DIAPH3: variants seen among roughly 807,000 people sequenced by gnomAD.
DIAPH3 encodes diaphanous related formin 3, also known as protein diaphanous homolog 3.
A neutral mutation model predicts 144.3 loss-of-function variants in DIAPH3; 117 were observed. The observed-to-expected ratio is 0.81, with a 90% CI of 0.70 to 0.95. DIAPH3 has a LOEUF of 0.95. DIAPH3 is among the 40% of genes least tolerant of loss of function. The pLI is 0.00. For missense variants in DIAPH3, 1,421 were observed against 1,412.7 expected (o/e 1.01, Z -0.09); for synonymous variants, 519 against 488.9 (o/e 1.06, Z -0.81).
intron 20 of DIAPH3, among the ~76,000 whole-genome samples, chr13:59,882,221 T>C (rs369442268): frequency 6.6e-6 from 1 of 152,138 alleles, no homozygotes; most frequent in African/African-American, 2.4e-5. Flanking sequence ...CTTGAGTGGC[T>C]GGGATTACAG....
At chr13:59,937,162 C>CAAA (rs57086874) in intron 17 of DIAPH3, among the ~76,000 whole-genome samples, 2 of 128,548 alleles carry the variant, frequency 1.6e-5, no homozygotes, top group Admixed American at 1.6e-4. Flanking sequence ...GACTCCATCT[C>CAAA]AAAAAAAAAA....
At chr13:59,728,069 A>G (rs933689227) in intron 27 of DIAPH3, among the ~76,000 whole-genome samples, 2 of 150,304 alleles carry the variant, frequency 1.3e-5, no homozygotes, top group Non-Finnish European at 3.0e-5. Context: ...AGGGCATCAA[A>G]AAAAAAAACA....
intron 19 of DIAPH3, among the ~76,000 whole-genome samples, chr13:59,913,498 A>G (rs1222690445): frequency 2.6e-5 from 4 of 152,110 alleles, no homozygotes; most frequent in African/African-American, 9.7e-5. Flanking sequence ...CAACATTTAC[A>G]TACCCTTGCC....
At chr13:59,776,133 A>T (rs2038401587) in intron 25 of DIAPH3, among the ~76,000 whole-genome samples, 1 of 152,216 alleles carries the variant, frequency 6.6e-6, no homozygotes, top group African/African-American at 2.4e-5. Flanking sequence ...TTTGATACAC[A>T]ATCCCTTTAC....
intron 1 of DIAPH3, among the ~76,000 whole-genome samples, chr13:60,157,876 T>C (rs574965220): frequency 6.6e-6 from 1 of 152,282 alleles, no homozygotes; most frequent in Admixed American, 6.5e-5. Flanking sequence ...GTCCCATACA[T>C]GTAGGGTTCA....
intron 16 of DIAPH3, among the ~76,000 whole-genome samples, chr13:59,970,578 T>A (rs2050306828): frequency 6.6e-6 from 1 of 152,152 alleles, no homozygotes; most frequent in South Asian, 2.1e-4. Context: ...TGTTTAATTA[T>A]CAATTTAATT....
intron 4 of DIAPH3, among the ~76,000 whole-genome samples, chr13:60,071,780 A>G (rs966703582): frequency 1.3e-5 from 2 of 152,198 alleles, no homozygotes; most frequent in Admixed American, 6.5e-5. Flanking sequence ...CCAGAGAAAT[A>G]TGTGTGATTC....
chr13:59,716,438 G>A lies in DIAPH3; in HGVS notation c.3320-49592C>T, dbSNP rs2035066338. Among the ~76,000 whole-genome samples, 6 of 152,288 alleles carry A rather than the reference G, an allele frequency of 3.9e-5. 1 individual carries two copies. The South Asian group carries it at 1.2e-3, about 32-fold the overall frequency. On this transcript the variant is annotated intron_variant, in intron 27 of 27. Transcript: ENST00000400324. ...GATCTGCCCGCCTTTGCCTCCCAAA[G>A]TGCTGGGATTACAGGCATGAGCCAC... is the stretch of plus-strand genomic sequence containing the variant.
At chr13:59,680,190 G>C in intron 27 of DIAPH3, among the ~76,000 whole-genome samples, 1 of 152,022 alleles carries the variant, frequency 6.6e-6, no homozygotes, top group African/African-American at 2.4e-5. Flanking sequence ...CTACACATTA[G>C]GAAAGATATA....
At chr13:59,773,944 G>T (rs992043857) in intron 27 of DIAPH3, 6 of 446,158 alleles carry the variant, frequency 1.3e-5, no homozygotes, top group Non-Finnish European at 2.4e-5. Context: ...GTTAACTTCA[G>T]ATAATTATAA....
chr13:60,085,342 G>C (rs990757238), intron 4 of DIAPH3, among the ~76,000 whole-genome samples: 1 of 151,956 alleles, frequency 6.6e-6, no homozygotes, highest in Non-Finnish European at 1.5e-5. Context: ...AATAGTAAAT[G>C]GTCCATGCTT....
chr13:59,930,631 A>C (rs1306716145), intron 17 of DIAPH3, among the ~76,000 whole-genome samples: 1 of 152,230 alleles, frequency 6.6e-6, no homozygotes, highest in Non-Finnish European at 1.5e-5. Flanking sequence ...GTCAGGTACC[A>C]GATCACATAA....
At chr13:60,017,674 A>G (rs2140999310) in intron 5 of DIAPH3, among the ~76,000 whole-genome samples, 1 of 152,300 alleles carries the variant, frequency 6.6e-6, no homozygotes, top group East Asian at 1.9e-4. Context: ...AGAAAAAGAA[A>G]TTTGCCATTT....
At chr13:59,908,393 A>AAAAG (rs1555331342) in intron 20 of DIAPH3, among the ~76,000 whole-genome samples, 2,279 of 110,824 alleles carry the variant, frequency 0.021, 8 homozygotes, top group Non-Finnish European at 0.029. Context: ...AAAAAAAAAA[A>AAAAG]AGTAAGACAT....
chr13:59,874,351 A>G (rs921887688), intron 21 of DIAPH3, among the ~76,000 whole-genome samples: 2 of 152,236 alleles, frequency 1.3e-5, no homozygotes, highest in Non-Finnish European at 2.9e-5. Context: ...ACATTAAAGA[A>G]TATGAGAATT....
chr13:60,072,615 T>C (rs1035514514), intron 4 of DIAPH3, among the ~76,000 whole-genome samples: 2 of 152,176 alleles, frequency 1.3e-5, no homozygotes, highest in Non-Finnish European at 1.5e-5. Flanking sequence ...TATCAAAATA[T>C]ACCTCATACT....
chr13:60,131,327 T>A lies in DIAPH3; in HGVS notation c.213+1630A>T, dbSNP rs148175883. Among the ~76,000 whole-genome samples the A allele has an allele frequency of 5.0e-3, 741 of 149,382 alleles. 5 individuals are homozygous for A. Among genetic ancestry groups the A allele is most frequent in the African/African-American group, 0.017 (697 of 40,456 alleles). On this transcript the variant is annotated intron_variant, in intron 2 of 27. Coordinates refer to ENST00000400324, the MANE Select transcript of DIAPH3 (RefSeq NM_001042517.2). ...GGTGCATGCCTGTAATCCCCGCTAC[T>A]CAGGAGGCTGATGTGGGAGGATTGC...
At chr13:60,061,042 T>C (rs2056750032) in intron 4 of DIAPH3, among the ~76,000 whole-genome samples, 1 of 152,064 alleles carries the variant, frequency 6.6e-6, no homozygotes, top group African/African-American at 2.4e-5. Context: ...TAAGGGATCC[T>C]GTATATGAAC....
chr13:59,848,413 C>T (rs2042784592), intron 22 of DIAPH3, among the ~76,000 whole-genome samples: 1 of 151,072 alleles, frequency 6.6e-6, no homozygotes, highest in African/African-American at 2.4e-5. Flanking sequence ...TGCGCTGCAC[C>T]CACTAACTCG....
Sources: gnomAD v4.1 joint callset for allele counts (sites outside exome capture counted in the v4.1 genomes callset) on GRCh38, gnomAD v4.1.1 for gene constraint, MANE v1.5 for transcripts, NCBI Gene and HGNC (gene_info 2026-07-23, HGNC 2026-07-21) for gene names.